Variants in MCTP1 observed in about 807,000 individuals in gnomAD.
MCTP1 encodes multiple C2 and transmembrane domain-containing protein 1.
A neutral mutation model predicts 120.6 loss-of-function variants in MCTP1; 69 were observed. The observed-to-expected ratio is 0.57, with a 90% CI of 0.47 to 0.70. The LOEUF is 0.70. Among genes scored for constraint, MCTP1 ranks in the 30% least tolerant of loss-of-function variants. The pLI is 0.00. For missense variants in MCTP1, 1,203 were observed against 1,248.8 expected, an observed-to-expected ratio of 0.96 and a Z score of 0.55; for synonymous variants, 529 against 493.1, an observed-to-expected ratio of 1.07 and a Z score of -0.96.
At chr5:94,827,234 G>A (rs1300289755) in intron 17 of MCTP1, among the ~76,000 whole-genome samples, 1 of 152,118 alleles carries the variant, frequency 6.6e-6, no homozygotes, top group Non-Finnish European at 1.5e-5. Flanking sequence ...ATGAAGCTAA[G>A]TTTGGCTGGA....
intron 10 of MCTP1, among the ~76,000 whole-genome samples, chr5:94,906,217 G>A (rs1437016029): frequency 6.6e-6 from 1 of 152,110 alleles, no homozygotes; most frequent in Non-Finnish European, 1.5e-5. Context: ...GGGCGCAGTG[G>A]CTCACACCTG....
intron 17 of MCTP1, among the ~76,000 whole-genome samples, chr5:94,804,660 G>A (rs529696190): frequency 5.3e-5 from 8 of 152,182 alleles, no homozygotes; most frequent in Admixed American, 2.6e-4. Flanking sequence ...GGATGGTCTC[G>A]ATCTCCTGAC....
chr5:95,077,914 T>C (rs565598969), intron 1 of MCTP1, among the ~76,000 whole-genome samples: 22 of 152,290 alleles, frequency 1.4e-4, no homozygotes, highest in South Asian at 4.1e-4. Flanking sequence ...CTCTTTCACA[T>C]CTCATACATC....
At chr5:94,892,047 G>A (rs1802784383) in intron 11 of MCTP1, among the ~76,000 whole-genome samples, 1 of 152,078 alleles carries the variant, frequency 6.6e-6, no homozygotes, top group Non-Finnish European at 1.5e-5. Context: ...GGCTGCAGCA[G>A]CTGTCAGGGA....
intron 1 of MCTP1, among the ~76,000 whole-genome samples, chr5:95,173,095 AT>A (rs1486503687): frequency 6.6e-6 from 1 of 152,178 alleles, no homozygotes; most frequent in Non-Finnish European, 1.5e-5. Context: ...AATAAAGATT[AT>A]TTTCTTGTAT....
At chr5:95,187,976 T>G (rs940347791) in intron 1 of MCTP1, among the ~76,000 whole-genome samples, 1 of 152,190 alleles carries the variant, frequency 6.6e-6, no homozygotes, top group Non-Finnish European at 1.5e-5. Flanking sequence ...AAACGTCTCA[T>G]GTACCCCATA....
intron 17 of MCTP1, among the ~76,000 whole-genome samples, chr5:94,863,377 T>A (rs1796179008): frequency 6.6e-6 from 1 of 152,006 alleles, no homozygotes; most frequent in East Asian, 1.9e-4. Flanking sequence ...TCTATAAAAA[T>A]CATTTGAAAA....
At chr5:94,913,402 T>C (rs1238624736) in intron 8 of MCTP1, among the ~76,000 whole-genome samples, 1 of 152,182 alleles carries the variant, frequency 6.6e-6, no homozygotes, top group Admixed American at 6.5e-5. Flanking sequence ...GTTATAAATA[T>C]ATTTTACAGG....
At chr5:94,772,282 A>C (rs1219203037) in intron 19 of MCTP1, among the ~76,000 whole-genome samples, 1 of 152,008 alleles carries the variant, frequency 6.6e-6, no homozygotes, top group Non-Finnish European at 1.5e-5. Context: ...TGGATTGTGG[A>C]CCCTGTGCCA....
intron 1 of MCTP1, among the ~76,000 whole-genome samples, chr5:95,243,932 C>T (rs1293761841): frequency 6.6e-6 from 1 of 152,192 alleles, no homozygotes; most frequent in Non-Finnish European, 1.5e-5. Context: ...AGAGAGTATT[C>T]GAAGACGATT....
chr5:94,841,391 A>G (rs147256538), intron 17 of MCTP1, among the ~76,000 whole-genome samples: 9 of 152,284 alleles, frequency 5.9e-5, no homozygotes, highest in African/African-American at 1.7e-4. Flanking sequence ...GCCAGCTGAA[A>G]AACAAAGCTG....
At chr5:94,725,718 TTCCA>T (rs1363588539) in intron 19 of MCTP1, among the ~76,000 whole-genome samples, 2 of 152,176 alleles carry the variant, frequency 1.3e-5, no homozygotes, top group African/African-American at 4.8e-5. Flanking sequence ...CAAATGCTGC[TTCCA>T]TCATTTTCTT....
intron 10 of MCTP1, among the ~76,000 whole-genome samples, chr5:94,898,233 A>G (rs1804613282): frequency 6.6e-6 from 1 of 152,220 alleles, no homozygotes; most frequent in Admixed American, 6.5e-5. Flanking sequence ...TCAGCCAAGA[A>G]AGTATTTAAT....
At chr5:95,224,793 G>A (rs1304130815) in intron 1 of MCTP1, among the ~76,000 whole-genome samples, 1 of 152,124 alleles carries the variant, frequency 6.6e-6, no homozygotes, top group African/African-American at 2.4e-5. Flanking sequence ...TTACAAGCAT[G>A]AGCCACCACA....
chr5:94,731,411 A>G (rs1205317063), intron 19 of MCTP1, among the ~76,000 whole-genome samples: 1 of 152,208 alleles, frequency 6.6e-6, no homozygotes. Context: ...ACTGCCTAGT[A>G]TGTAGTAAGT....
intron 1 of MCTP1, among the ~76,000 whole-genome samples, chr5:95,235,627 AG>A (rs1360811783): frequency 6.6e-6 from 1 of 152,156 alleles, no homozygotes; most frequent in East Asian, 1.9e-4. Context: ...TTTTTTAAAA[AG>A]TGTATTGTGC....
intron 18 of MCTP1, among the ~76,000 whole-genome samples, chr5:94,783,067 G>A (rs940748011): frequency 6.6e-6 from 1 of 151,934 alleles, no homozygotes; most frequent in East Asian, 1.9e-4. Context: ...CTGTAATGTC[G>A]CTCGTCACAG....
rs942391800 is a variant in MCTP1 at position 94,726,621 on chromosome 5, C to T, written c.2611-11735G>A. On this transcript the variant is annotated intron_variant, in intron 19 of 22. Transcript: ENST00000515393. ...AATAGATTTGTTATGAAAATAATCACATCTTTTATAGGACTTTATGGCTTA... is the reference window on the plus strand; with the variant it reads ...AATAGATTTGTTATGAAAATAATCATATCTTTTATAGGACTTTATGGCTTA... 5.3e-5 allele frequency among the ~76,000 whole-genome samples: 8 copies of T among 152,054 alleles called. No individual in the cohort carries two copies. The South Asian group carries it at 6.2e-4, about 12-fold the overall frequency.
intron 1 of MCTP1, among the ~76,000 whole-genome samples, chr5:95,261,572 T>C (rs1409083304): frequency 1.3e-5 from 2 of 152,222 alleles, no homozygotes; most frequent in African/African-American, 4.8e-5. Context: ...CTTCCATAAA[T>C]GTTATTTTAA....
Sources: allele counts gnomAD v4.1 joint callset (sites outside exome capture counted in the v4.1 genomes callset), GRCh38; gene constraint gnomAD v4.1.1; transcripts MANE v1.5; gene names NCBI Gene and HGNC (gene_info 2026-07-23, HGNC 2026-07-21).